Variants in DNASE1L2 observed in about 807,000 individuals in gnomAD.
DNASE1L2 encodes deoxyribonuclease 1 like 2, also known as deoxyribonuclease-1-like 2.
DNASE1L2 carries 35 observed loss-of-function variants against 31.8 expected under a neutral mutation model. That is an observed-to-expected ratio of 1.10 (90% CI 0.84 to 1.46). The LOEUF (loss-of-function observed/expected upper bound fraction) is 1.46, where lower values mean the gene tolerates loss of function less well. Among genes scored for constraint, DNASE1L2 ranks in the 40% most tolerant of loss-of-function variants. The probability of loss-of-function intolerance (pLI) is 0.00; values close to 1 mark genes in which losing one functional copy is unlikely to be tolerated. For synonymous variants in DNASE1L2, 211 were observed against 186.5 expected, an observed-to-expected ratio of 1.13 and a Z score of -1.07; for missense variants, 504 against 418.8, an observed-to-expected ratio of 1.20 and a Z score of -1.77.
chr16:2,238,196 G>T (rs2093518744), intron 6 of DNASE1L2, among the ~76,000 whole-genome samples, 166 bp from the exon 7 acceptor site: 1 of 152,158 alleles, frequency 6.6e-6, no homozygotes, highest in African/African-American at 2.4e-5. Context: ...GGCAGGCAGG[G>T]TACCTTGCCT....
chr16:2,237,098 G>T lies in DNASE1L2; in HGVS notation c.205G>T (p.Val69Leu). ...GGTGCGAGACCCAGACCTCAGCGCCGTGTCCGCGCTCATGGAGCAGATCAA... is the reference window on the plus strand; with the variant it reads ...GGTGCGAGACCCAGACCTCAGCGCCTTGTCCGCGCTCATGGAGCAGATCAA... Reference protein sequence around the residue: ...QEVRDPDLSAVSALMEQINSV... With the variant: ...QEVRDPDLSALSALMEQINSV... Residue 69 changes from valine (V) to leucine (L), a missense_variant, in exon 3 of 7, where the codon GTG becomes TTG. Coordinates refer to ENST00000320700, the MANE Select transcript of DNASE1L2 (RefSeq NM_001374.3). 1 of 1,549,896 alleles carries T rather than the reference G, an allele frequency of 6.5e-7. No individual in the cohort carries two copies.
At position 2,237,265 on chromosome 16, in the gene DNASE1L2, G is replaced by A. The variant is rs1341584024; in HGVS notation, c.281G>A (p.Arg94Gln). 2 of 1,588,592 alleles carry A rather than the reference G, an allele frequency of 1.3e-6. No individual in the cohort carries two copies. Among genetic ancestry groups the A allele is most frequent in the Non-Finnish European group, 8.6e-7 (1 of 1,168,654 alleles). ...TTTGTGAGCAGCCAGCCCCTGGGCC[G>A]GGACCAGTACAAGGAGATGTACCTG... ...YSFVSSQPLG[R>Q]DQYKEMYLFV... The change falls in exon 4 of 7, where the codon CGG (arginine) becomes CAG (glutamine). Residue 94 changes from arginine (R) to glutamine (Q), a missense_variant. By Grantham distance (43) the Arg-to-Gln change is conservative. Transcript: ENST00000320700.
In DNASE1L2 at chr16:2,237,783, G is replaced by A. The variant is rs775284591; in HGVS notation, c.608G>A (p.Gly203Asp). Residue 203 changes from glycine (G) to aspartate (D), a missense_variant, in exon 6 of 7, where the codon GGC becomes GAC. Coordinates refer to ENST00000320700, the MANE Select transcript of DNASE1L2 (RefSeq NM_001374.3). ...KWGTDDMLFL[G>D]DFNADCSYVR... ...CGCCCGCAGGACATGCTGTTCCTGG[G>A]CGACTTCAACGCCGACTGCAGCTAT... 3.7e-6 allele frequency: 6 copies of A among 1,607,668 alleles called. No homozygotes were observed. The Admixed American group carries it at 8.4e-5, about 23-fold the overall frequency.
Position 2,237,628 on chromosome 16 carries a change from G to A in DNASE1L2, c.570G>A (p.Val190=), listed in dbSNP as rs572347132. The change falls in exon 5 of 7, where the codon GTG becomes GTA. Residue 190 remains valine, a synonymous_variant. Transcript: ENST00000320700. The part of the protein sequence containing the change: ...IDALYDVYLD[V]IDKWGTDDML... ...CGCTCTACGACGTGTACCTGGACGTGATCGACAAGTGGGGCACCGACGTAA... is the reference window on the plus strand; with the variant it reads ...CGCTCTACGACGTGTACCTGGACGTAATCGACAAGTGGGGCACCGACGTAA... 2.7e-5 allele frequency: 43 copies of A among 1,607,694 alleles called. No homozygotes were observed. The East Asian group carries it at 9.4e-4, about 35-fold the overall frequency.
rs1428963569 is a variant in DNASE1L2, at chr16:2,236,784, G to C, written c.-33G>C. On this transcript the variant is annotated 5_prime_UTR_variant, in exon 2 of 7. Coordinates refer to ENST00000320700, the MANE Select transcript of DNASE1L2 (RefSeq NM_001374.3). ...TGACAGCGGGTCTGCGTAGGCGGCA[G>C]CGTCTGTCCCTCCCAGCCTCTCGCT... 6.4e-7 allele frequency: 1 copy of C among 1,560,166 alleles called. No individual in the cohort carries two copies. The highest frequency in any genetic ancestry group is 1.4e-5 in the African/African-American group (1 of 73,450).
chr16:2,238,390 T>C lies in DNASE1L2; in HGVS notation c.872T>C (p.Val291Ala). The C allele has an allele frequency of 6.2e-7, 1 of 1,613,500 alleles. No homozygotes were observed. The highest frequency in any genetic ancestry group is 8.5e-7 in the Non-Finnish European group (1 of 1,179,994). The change falls in exon 7 of 7, where the codon GTG (valine) becomes GCG (alanine). Residue 291 changes from valine to alanine, a missense_variant. Coordinates refer to ENST00000320700, the MANE Select transcript of DNASE1L2 (RefSeq NM_001374.3). ...QALAISDHFP[V>A]EVTLKFHR ...CTTGCCATCAGCGACCACTTTCCAG[T>C]GGAGGTGACCCTCAAGTTCCACCGA...
At chr16:2,236,984 C>T (rs761800411) in intron 2 of DNASE1L2, 24 bp downstream of exon 2, 1 of 1,547,396 alleles carries the variant, frequency 6.5e-7, no homozygotes, top group South Asian at 1.2e-5. Flanking sequence ...CGGGGCGGGG[C>T]GGCGTTTAGG....
rs2093511573 is a variant in DNASE1L2 at position 2,236,613 on chromosome 16, C to T, written c.-40+53C>T. On this transcript the variant is annotated intron_variant, in intron 1 of 6. Transcript: ENST00000320700. Reference sequence around the variant, plus strand: ...GGCTGGATGGGCCGGACCCTCCATTCCGGCTGCAGCTTCCCGCGCAGTGAG... The same window carrying T: ...GGCTGGATGGGCCGGACCCTCCATTTCGGCTGCAGCTTCCCGCGCAGTGAG... The T allele has an allele frequency of 3.7e-6, 5 of 1,351,628 alleles. No individual in the cohort carries two copies. The South Asian group carries it at 9.9e-5, about 27-fold the overall frequency. 83.7% of individuals were successfully genotyped at this position (1,351,628 alleles called of 1,614,324 possible).
Position 2,237,813 on chromosome 16 carries a change from G to T in DNASE1L2, c.638G>T (p.Arg213Leu). The T allele has an allele frequency of 6.2e-7, 1 of 1,610,650 alleles. No homozygotes were observed. The highest frequency in any genetic ancestry group is 1.1e-5 in the South Asian group (1 of 90,796). The change falls in exon 6 of 7, where the codon CGG (arginine) becomes CTG (leucine). Residue 213 changes from arginine (R) to leucine (L), a missense_variant. Transcript: ENST00000320700. The part of the protein sequence containing the change: ...GDFNADCSYV[R>L]AQDWAAIRLR... ...TTCAACGCCGACTGCAGCTATGTGC[G>T]GGCGCAGGACTGGGCCGCCATCCGT...
At position 2,238,398 on chromosome 16, in the gene DNASE1L2, A is replaced by G. The variant is rs767171583; in HGVS notation, c.880A>G (p.Thr294Ala). ...CAGCGACCACTTTCCAGTGGAGGTGACCCTCAAGTTCCACCGATGACTCGA... is the reference window on the plus strand; with the variant it reads ...CAGCGACCACTTTCCAGTGGAGGTGGCCCTCAAGTTCCACCGATGACTCGA... The part of the protein sequence containing the change: ...AISDHFPVEV[T>A]LKFHR The change falls in exon 7 of 7, where the codon ACC becomes GCC. Residue 294 changes from threonine (T) to alanine (A), a missense_variant. Coordinates refer to ENST00000320700, the MANE Select transcript of DNASE1L2 (RefSeq NM_001374.3). 25 of 1,613,056 alleles carry G rather than the reference A, an allele frequency of 1.5e-5. No individual in the cohort carries two copies. The highest frequency in any genetic ancestry group is 2.7e-5 in the African/African-American group (2 of 74,816).
Position 2,236,884 on chromosome 16 carries a change from G to C in DNASE1L2, c.68G>C (p.Arg23Pro), listed in dbSNP as rs767398904. The change falls in exon 2 of 7, where the codon CGC becomes CCC. Residue 23 changes from arginine to proline, a missense_variant. Coordinates refer to ENST00000320700, the MANE Select transcript of DNASE1L2 (RefSeq NM_001374.3). ...ALEAAGTAAL[R>P]IGAFNIQSFG... is the part of the protein sequence containing the mutation. The stretch of plus-strand genomic sequence containing the variant: ...GAAGCCGCCGGGACCGCCGCGCTTC[G>C]CATCGGAGCCTTCAACATTCAGAGC... The C allele has an allele frequency of 1.7e-5, 27 of 1,596,894 alleles. No homozygotes were observed. In the East Asian group the frequency reaches 6.1e-4, roughly 36 times the overall value.
rs752566061 is a variant in DNASE1L2 at position 2,237,936 on chromosome 16, GCGCCCGCCTGCGC to G, written c.764_776del (p.Ala255GlyfsTer3). 48 of 1,601,762 alleles carry G rather than the reference GCGCCCGCCTGCGC, an allele frequency of 3.0e-5. No individual in the cohort carries two copies. In the African/African-American group the frequency reaches 5.9e-4, roughly 20 times the overall value. On this transcript the variant is annotated frameshift_variant, in exon 6 of 7. Coordinates refer to ENST00000320700, the MANE Select transcript of DNASE1L2 (RefSeq NM_001374.3). LOFTEE classifies it high-confidence loss of function. ...GCCTACGACCGCATTGTGGCCTGTG[GCGCCCGCCTGCGC>G]CGGAGCCTGAAGCCCCAGTCGGCCA...
In DNASE1L2 at chr16:2,237,477, G is replaced by T. The variant is rs1300947536; in HGVS notation, c.419G>T (p.Gly140Val). The T allele has an allele frequency of 6.3e-7, 1 of 1,576,410 alleles. No homozygotes were observed. The highest frequency in any genetic ancestry group is 1.3e-5 in the African/African-American group (1 of 74,196). ...GTCAAGTTCTCGGCCCCCGGCACCG[G>T]TGAGCGGGCCCCGCCCCTCCCCTCC... The part of the protein sequence containing the change: ...FVVKFSAPGT[G>V]ERAPPLPSRR... Residue 140 changes from glycine (G) to valine (V), a missense_variant, in exon 5 of 7, where the codon GGT (glycine) becomes GTT (valine). Coordinates refer to ENST00000320700, the MANE Select transcript of DNASE1L2 (RefSeq NM_001374.3).
chr16:2,237,392 G>T lies in DNASE1L2; in HGVS notation c.334G>T (p.Val112Phe). ...ATCTCCTAGGAAAGACGCGGTGTCG[G>T]TCGTGGACACCTACCTGTACCCAGA... Reference protein sequence around the residue: ...LFVYRKDAVSVVDTYLYPDPE... With the variant: ...LFVYRKDAVSFVDTYLYPDPE... The change falls in exon 5 of 7, where the codon GTC (valine) becomes TTC (phenylalanine). Residue 112 changes from valine (V) to phenylalanine (F), a missense_variant. Coordinates refer to ENST00000320700, the MANE Select transcript of DNASE1L2 (RefSeq NM_001374.3). 1 of 1,602,138 alleles carries T rather than the reference G, an allele frequency of 6.2e-7. No individual in the cohort carries two copies. Among genetic ancestry groups the T allele is most frequent in the African/African-American group, 1.3e-5 (1 of 74,942 alleles).
At position 2,236,459 on chromosome 16, in the gene DNASE1L2, G is replaced by A. The variant is rs1567308222; in HGVS notation, c.-141G>A. On this transcript the variant is annotated 5_prime_UTR_variant, in exon 1 of 7. Transcript: ENST00000320700. ...CCTTGGTGCCAGAGCTACTGCCAGA[G>A]GGAGTCAGTGCAGTCCTGTGTCGGA... is the stretch of plus-strand genomic sequence containing the variant. The A allele has an allele frequency of 2.8e-6, 3 of 1,086,692 alleles. No individual in the cohort carries two copies. The highest frequency in any genetic ancestry group is 3.3e-6 in the Non-Finnish European group (3 of 895,878). The allele number at this position is 1,086,692 out of a possible 1,614,324, so 67.3% of individuals were successfully genotyped here. A position where few individuals can be genotyped will look rare whatever the true frequency, so the allele number is the denominator to read the frequency against.
rs1444744876 is a variant in DNASE1L2, at chr16:2,237,023, G to T, written c.145-15G>T. 1 of 1,547,840 alleles carries T rather than the reference G, an allele frequency of 6.5e-7. No homozygotes were observed. The highest frequency in any genetic ancestry group is 2.0e-5 in the Admixed American group (1 of 50,992). ...GCTGACCGCGCTGACCCCCGCACCC[G>T]CCGCTCCTCCCCAGATCCTGGCTGG... On this transcript the variant is annotated splice_polypyrimidine_tract_variant and intron_variant, in intron 2 of 6. Transcript: ENST00000320700.
rs1258088719 is a variant in DNASE1L2, at chr16:2,237,940, C to T, written c.765C>T (p.Ala255=). ...CAYDRIVACG[A]RLRRSLKPQS... ...ACGACCGCATTGTGGCCTGTGGCGC[C>T]CGCCTGCGCCGGAGCCTGAAGCCCC... Residue 255 remains alanine, a synonymous_variant, in exon 6 of 7, where the codon GCC becomes GCT. Coordinates refer to ENST00000320700, the MANE Select transcript of DNASE1L2 (RefSeq NM_001374.3). The T allele has an allele frequency of 6.2e-7, 1 of 1,610,370 alleles. No individual in the cohort carries two copies. The highest frequency in any genetic ancestry group is 8.5e-7 in the Non-Finnish European group (1 of 1,179,208).
Position 2,237,947 on chromosome 16 carries a change from CGCCGGAGCCTGA to C in DNASE1L2, c.773_784del (p.Arg258_Lys262delinsGln), listed in dbSNP as rs1259636986. 1.4e-5 allele frequency: 22 copies of C among 1,610,556 alleles called. No homozygotes were observed. The highest frequency in any genetic ancestry group is 1.9e-5 in the Non-Finnish European group (22 of 1,179,322). On this transcript the variant is annotated inframe_deletion, in exon 6 of 7. Coordinates refer to ENST00000320700, the MANE Select transcript of DNASE1L2 (RefSeq NM_001374.3). ...CATTGTGGCCTGTGGCGCCCGCCTGCGCCGGAGCCTGAAGCCCCAGTCGGCCACCGTGCACGA... is the reference window on the plus strand; with the variant it reads ...CATTGTGGCCTGTGGCGCCCGCCTGCAGCCCCAGTCGGCCACCGTGCACGA...
rs1256734981 is a variant in DNASE1L2, at chr16:2,237,747, C to G, written c.592-20C>G. 1.3e-6 allele frequency: 2 copies of G among 1,596,450 alleles called. No homozygotes were observed. The highest frequency in any genetic ancestry group is 1.3e-5 in the African/African-American group (1 of 74,416). On this transcript the variant is annotated intron_variant, in intron 5 of 6. Transcript: ENST00000320700. ...GACGGCTCCTGCGGCGGCTCAGACA[C>G]GGCTCCGCGGCGCCCGCAGGACATG... is the stretch of plus-strand genomic sequence containing the variant.
Sources: allele counts gnomAD v4.1 joint callset (sites outside exome capture counted in the v4.1 genomes callset), GRCh38; gene constraint gnomAD v4.1.1; transcripts MANE v1.5; gene names NCBI Gene and HGNC (gene_info 2026-07-23, HGNC 2026-07-21).